CDH13: variants seen among roughly 807,000 people sequenced by gnomAD.
The protein encoded by CDH13 is cadherin 13.
A neutral mutation model predicts 63.8 loss-of-function variants in CDH13; 24 were observed. The observed-to-expected ratio is 0.38, with a 90% CI of 0.27 to 0.53. CDH13 has a LOEUF of 0.53. Ranked by LOEUF, CDH13 falls within the 20% of genes least tolerant of loss-of-function variation. The probability of loss-of-function intolerance (pLI) is 0.85; values close to 1 mark genes in which losing one functional copy is unlikely to be tolerated. For missense variants in CDH13, 1,049 were observed against 903.1 expected (o/e 1.16, Z -2.07); for synonymous variants, 503 against 355.3 (o/e 1.42, Z -4.67).
rs2074248310 is a variant in CDH13, at chr16:83,500,342, CTCCTCCTCCTCCTTCTTCCTTCT to C, written c.960+13692_960+13714del. Among the ~76,000 whole-genome samples, 2 of 720 alleles carry C rather than the reference CTCCTCCTCCTCCTTCTTCCTTCT, an allele frequency of 2.8e-3. 1 individual carries two copies. 0.5% of individuals were successfully genotyped at this position (720 alleles called of 152,430 possible). Reference sequence around the variant, plus strand: ...TCTCCTCCTCCTCCTCCTCCTCCTCCTCCTCCTCCTCCTTCTTCCTTCTTCCTTCTTCTTTCTTCTTCTTCTTC... The same window carrying C: ...TCTCCTCCTCCTCCTCCTCCTCCTCCTCCTTCTTCTTTCTTCTTCTTCTTC... On this transcript the variant is annotated intron_variant, in intron 7 of 13. Coordinates refer to ENST00000567109, the MANE Select transcript of CDH13 (RefSeq NM_001257.5).
intron 3 of CDH13, among the ~76,000 whole-genome samples, chr16:83,060,615 A>G (rs2031445164): frequency 6.6e-6 from 1 of 152,126 alleles, no homozygotes; most frequent in African/African-American, 2.4e-5. Context: ...AAGTAATGAA[A>G]CTCTCCGGAA....
chr16:82,964,583 C>T (rs149926461), intron 2 of CDH13, among the ~76,000 whole-genome samples: 243 of 152,264 alleles, frequency 1.6e-3, no homozygotes, highest in African/African-American at 5.7e-3. Flanking sequence ...TGAGCTTTAT[C>T]AACATCATTC....
chr16:83,509,922 C>A (rs2074517689), intron 7 of CDH13, among the ~76,000 whole-genome samples: 1 of 152,176 alleles, frequency 6.6e-6, no homozygotes. Flanking sequence ...CAGCTACCAG[C>A]TGGCCAGGTG....
At chr16:83,563,665 G>A (rs567031192) in intron 7 of CDH13, among the ~76,000 whole-genome samples, 21 of 152,278 alleles carry the variant, frequency 1.4e-4, no homozygotes, top group Non-Finnish European at 2.1e-4. Context: ...TTAGGAGGGC[G>A]TGTGTGTATG....
intron 5 of CDH13, among the ~76,000 whole-genome samples, chr16:83,280,104 A>C (rs1380647102): frequency 1.3e-5 from 2 of 152,218 alleles, no homozygotes; most frequent in African/African-American, 4.8e-5. Context: ...AAATAAGACA[A>C]CAATGAAGTT....
intron 7 of CDH13, among the ~76,000 whole-genome samples, chr16:83,589,636 A>G (rs1353227269): frequency 6.6e-6 from 1 of 152,094 alleles, no homozygotes; most frequent in African/African-American, 2.4e-5. Flanking sequence ...TAGATCCAAA[A>G]GCCTGGTGGC....
chr16:83,211,746 C>T (rs1039276440), intron 4 of CDH13, among the ~76,000 whole-genome samples: 1 of 146,056 alleles, frequency 6.8e-6, no homozygotes, highest in East Asian at 1.9e-4. Context: ...CCCAGCTATG[C>T]GACGCCCACC....
At chr16:83,205,338 G>T (rs1227310726) in intron 4 of CDH13, among the ~76,000 whole-genome samples, 1 of 151,956 alleles carries the variant, frequency 6.6e-6, no homozygotes, top group East Asian at 1.9e-4. Flanking sequence ...GGTACTGATT[G>T]GCAATTTGGG....
intron 5 of CDH13, among the ~76,000 whole-genome samples, chr16:83,270,762 T>A (rs2151845399): frequency 6.6e-6 from 1 of 152,230 alleles, no homozygotes; most frequent in Non-Finnish European, 1.5e-5. Flanking sequence ...AAGAATTATT[T>A]ACACATCATT....
intron 8 of CDH13, among the ~76,000 whole-genome samples, chr16:83,651,218 A>C (rs1567483004): frequency 6.6e-6 from 1 of 152,224 alleles, no homozygotes; most frequent in African/African-American, 2.4e-5. Context: ...AGGTAGTGAG[A>C]GACTAGGGTA....
chr16:83,660,552 G>T (rs982378566), intron 8 of CDH13, among the ~76,000 whole-genome samples: 1 of 152,184 alleles, frequency 6.6e-6, no homozygotes, highest in Non-Finnish European at 1.5e-5. Context: ...TGTGTGGCCC[G>T]GTTACTAACA....
At chr16:82,729,381 G>A (rs73603152) in intron 1 of CDH13, among the ~76,000 whole-genome samples, 3 of 152,074 alleles carry the variant, frequency 2.0e-5, no homozygotes, top group East Asian at 1.9e-4. Flanking sequence ...CATGGGCTGC[G>A]CAATAGATGT....
intron 3 of CDH13, among the ~76,000 whole-genome samples, chr16:83,081,695 GAGAGAGAGAGAA>G (rs1467814493): frequency 1.3e-5 from 2 of 152,102 alleles, no homozygotes; most frequent in African/African-American, 4.8e-5. Flanking sequence ...TAAAGAGAGA[GAGAGAGAGAGAA>G]AGAGAGAGAG....
intron 3 of CDH13, among the ~76,000 whole-genome samples, chr16:83,037,129 T>C (rs1003121187): frequency 6.6e-6 from 1 of 152,190 alleles, no homozygotes; most frequent in African/African-American, 2.4e-5. Flanking sequence ...AGACTAGAGC[T>C]ACTAGTTGAA....
At chr16:83,197,517 A>G (rs996408264) in intron 4 of CDH13, among the ~76,000 whole-genome samples, 10 of 152,124 alleles carry the variant, frequency 6.6e-5, no homozygotes, top group African/African-American at 2.4e-4. Context: ...TTTTGTATCC[A>G]TTAAACACCC....
At chr16:83,320,195 A>G (rs1376681285) in intron 5 of CDH13, among the ~76,000 whole-genome samples, 1 of 149,998 alleles carries the variant, frequency 6.7e-6, no homozygotes, top group Admixed American at 6.6e-5. Flanking sequence ...ATGCCCCACT[A>G]TGCCTGGATA....
chr16:83,624,698 G>A (rs1455713702), intron 8 of CDH13, among the ~76,000 whole-genome samples: 1 of 152,096 alleles, frequency 6.6e-6, no homozygotes, highest in East Asian at 1.9e-4. Flanking sequence ...AGGGGTTGGG[G>A]ACCCTTGCCC....
intron 4 of CDH13, among the ~76,000 whole-genome samples, chr16:83,186,050 T>C (rs1193088863): frequency 6.6e-6 from 1 of 151,962 alleles, no homozygotes; most frequent in African/African-American, 2.4e-5. Flanking sequence ...AAATTAGCTC[T>C]TTTAAAATTG....
chr16:83,686,239 A>C (rs1189083208), intron 10 of CDH13, among the ~76,000 whole-genome samples: 2 of 152,200 alleles, frequency 1.3e-5, no homozygotes, highest in Non-Finnish European at 2.9e-5. Context: ...ACCAAGCTTC[A>C]CACTTCCTCA....
Sources: gnomAD v4.1 joint callset for allele counts (sites outside exome capture counted in the v4.1 genomes callset) on GRCh38, gnomAD v4.1.1 for gene constraint, MANE v1.5 for transcripts, NCBI Gene and HGNC (gene_info 2026-07-23, HGNC 2026-07-21) for gene names.